PRKN: variants seen among roughly 807,000 people sequenced by gnomAD.
PRKN encodes parkin RBR E3 ubiquitin protein ligase.
In PRKN, 56 loss-of-function variants were observed where a neutral mutation model predicts 59.5. That is an observed-to-expected ratio of 0.94 (90% CI 0.76 to 1.18). PRKN has a LOEUF of 1.18. PRKN is among the 50% of genes most tolerant of loss of function. The probability of loss-of-function intolerance (pLI) is 0.00; values close to 1 mark genes in which losing one functional copy is unlikely to be tolerated. For synonymous variants in PRKN, 250 were observed against 222.1 expected, an observed-to-expected ratio of 1.13 and a Z score of -1.12; for missense variants, 657 against 596.4, an observed-to-expected ratio of 1.10 and a Z score of -1.06.
intron 2 of PRKN, among the ~76,000 whole-genome samples, chr6:162,286,329 G>A (rs779708767): frequency 1.3e-5 from 2 of 152,004 alleles, no homozygotes; most frequent in South Asian, 2.1e-4. Context: ...CTTTATAGCC[G>A]TGAGCCTTGA....
intron 7 of PRKN, among the ~76,000 whole-genome samples, chr6:161,637,249 A>T (rs1240746125): frequency 6.6e-6 from 1 of 152,186 alleles, no homozygotes; most frequent in African/African-American, 2.4e-5. Flanking sequence ...CTGCACCGCC[A>T]CTTAAATGTA....
chr6:162,086,036 C>T (rs1376498632), intron 4 of PRKN, among the ~76,000 whole-genome samples: 1 of 152,096 alleles, frequency 6.6e-6, no homozygotes, highest in African/African-American at 2.4e-5. Context: ...CATAGAACTC[C>T]TTATGTTACT....
rs1170052764 is a variant in PRKN, at chr6:161,538,204, C to T, written c.1083+10650G>A. ...AGAGTGCAAGAGTGAGGCTTATCTG[C>T]TTCTGACTGGGTTCCTTCTCACTTG... is the stretch of plus-strand genomic sequence containing the variant. On this transcript the variant is annotated intron_variant, in intron 9 of 11. Transcript: ENST00000366898. The surrounding 1 kb of genome is among the most constrained non-coding windows in gnomAD (Gnocchi z 4.2). Among the ~76,000 whole-genome samples the T allele has an allele frequency of 6.6e-6, 1 of 152,160 alleles. No homozygotes were observed. Among genetic ancestry groups the T allele is most frequent in the Non-Finnish European group, 1.5e-5 (1 of 68,026 alleles).
intron 6 of PRKN, among the ~76,000 whole-genome samples, chr6:161,957,208 A>G (rs1270611068): frequency 1.3e-5 from 2 of 152,198 alleles, no homozygotes; most frequent in East Asian, 1.9e-4. Context: ...GACATTTGAC[A>G]GTTTCCTAAG....
chr6:161,807,328 T>C (rs1791375406), intron 6 of PRKN, among the ~76,000 whole-genome samples: 1 of 152,200 alleles, frequency 6.6e-6, no homozygotes, highest in African/African-American at 2.4e-5. Flanking sequence ...TACACAAAGA[T>C]ACACGCACAC....
In PRKN at chr6:161,690,543, A is replaced by T. The variant is rs531560957; in HGVS notation, c.871+95229T>A. 3.3e-5 allele frequency among the ~76,000 whole-genome samples: 5 copies of T among 152,292 alleles called. No homozygotes were observed. In the South Asian group the frequency reaches 1.0e-3, roughly 32 times the overall value. The stretch of plus-strand genomic sequence containing the variant: ...CTTGACAAAATCATGGGATGCCCAG[A>T]TATCTGGCTAAACATTATTTCTGGT... On this transcript the variant is annotated intron_variant, in intron 7 of 11. Coordinates refer to ENST00000366898, the MANE Select transcript of PRKN (RefSeq NM_004562.3).
intron 6 of PRKN, among the ~76,000 whole-genome samples, chr6:161,842,340 T>C (rs1793021052): frequency 6.6e-6 from 1 of 151,520 alleles, no homozygotes; most frequent in African/African-American, 2.4e-5. Flanking sequence ...AAAATTTAGC[T>C]AGGCACCTGT....
At chr6:162,648,501 C>T (rs982822823) in intron 1 of PRKN, among the ~76,000 whole-genome samples, 5 of 152,026 alleles carry the variant, frequency 3.3e-5, no homozygotes, top group Non-Finnish European at 7.4e-5. Context: ...CCTGCCTCAG[C>T]CTCCCGAGTA....
intron 5 of PRKN, among the ~76,000 whole-genome samples, chr6:162,051,720 T>C (rs1777653688): frequency 1.3e-5 from 2 of 152,080 alleles, no homozygotes; most frequent in Non-Finnish European, 1.5e-5. Flanking sequence ...TTCCTTCCTC[T>C]CCATCCTGGT....
At chr6:161,705,774 T>G (rs1470558693) in intron 7 of PRKN, among the ~76,000 whole-genome samples, 3 of 152,178 alleles carry the variant, frequency 2.0e-5, no homozygotes, top group African/African-American at 7.2e-5. Flanking sequence ...AAAGGTTTCT[T>G]TGTAAACCTT....
chr6:162,135,312 G>T (rs1247580453), intron 4 of PRKN, among the ~76,000 whole-genome samples: 2 of 151,942 alleles, frequency 1.3e-5, no homozygotes, highest in Non-Finnish European at 2.9e-5. Flanking sequence ...AAAACACCGC[G>T]ATTAAAGGCA....
At chr6:161,644,847 G>T (rs760531172) in intron 7 of PRKN, among the ~76,000 whole-genome samples, 2 of 152,218 alleles carry the variant, frequency 1.3e-5, no homozygotes, top group African/African-American at 2.4e-5. Flanking sequence ...AAATGACTCA[G>T]CTGCACAAAT....
chr6:162,295,306 T>C (rs904685868), intron 2 of PRKN, among the ~76,000 whole-genome samples: 1 of 152,228 alleles, frequency 6.6e-6, no homozygotes, highest in Non-Finnish European at 1.5e-5. Flanking sequence ...TCAGTTGTTA[T>C]GTGTGCACCA....
At position 162,146,229 on chromosome 6, in the gene PRKN, A is replaced by G. The variant is rs138610839; in HGVS notation, c.534+54902T>C. Among the ~76,000 whole-genome samples the G allele has an allele frequency of 7.8e-3, 1,180 of 152,210 alleles. 10 individuals are homozygous for G. Among genetic ancestry groups the G allele is most frequent in the Middle Eastern group, 0.017 (5 of 294 alleles). ...GCTAAAGATAGTAGACTAGAGATGG[A>G]CAGTCTGGCCCATGACGATGTCATT... On this transcript the variant is annotated intron_variant, in intron 4 of 11. Transcript: ENST00000366898.
intron 6 of PRKN, among the ~76,000 whole-genome samples, chr6:161,891,061 G>A (rs182998809): frequency 5.9e-5 from 9 of 152,266 alleles, no homozygotes; most frequent in Middle Eastern, 3.4e-3. Context: ...AACAATCACC[G>A]CTGTAATAGA....
In PRKN at chr6:161,808,391, G is replaced by T. The variant is rs534816156; in HGVS notation, c.735-22483C>A. ...ACTGTCTTAATGTAAGAGAATATAA[G>T]TTGCTTAACTGAACACTAAAGTATT... On this transcript the variant is annotated intron_variant, in intron 6 of 11. Transcript: ENST00000366898. Among the ~76,000 whole-genome samples the T allele has an allele frequency of 7.9e-5, 12 of 152,276 alleles. No individual in the cohort carries two copies. In the South Asian group the frequency reaches 2.5e-3, roughly 32 times the overall value.
At chr6:162,427,653 T>C (rs6929674) in intron 2 of PRKN, among the ~76,000 whole-genome samples, 6 of 148,596 alleles carry the variant, frequency 4.0e-5, no homozygotes, top group African/African-American at 1.3e-4. Flanking sequence ...TGTTTTTTTT[T>C]CTTTTTTTTT....
At chr6:162,244,348 C>T (rs1369369917) in intron 3 of PRKN, among the ~76,000 whole-genome samples, 1 of 151,856 alleles carries the variant, frequency 6.6e-6, no homozygotes, top group Non-Finnish European at 1.5e-5. Context: ...ACACAATATG[C>T]TCTTTCCTCA....
rs75363505 is a variant in PRKN, at chr6:162,556,812, T to A, written c.8-113339A>T. ...AACAGGAGAATGCAAGTGATTATTA[T>A]CAGGAATTGCATCTGTGAGGGAACC... On this transcript the variant is annotated intron_variant, in intron 1 of 11. Transcript: ENST00000366898. Among the ~76,000 whole-genome samples, 1,272 of 150,212 alleles carry A rather than the reference T, an allele frequency of 8.5e-3. 16 individuals carry two copies. Among genetic ancestry groups the A allele is most frequent in the African/African-American group, 0.029 (1,197 of 40,816 alleles).
Sources: gnomAD v4.1 joint callset for allele counts (sites outside exome capture counted in the v4.1 genomes callset) on GRCh38, gnomAD v4.1.1 for gene constraint, Gnocchi (gnomAD v3.1) non-coding constraint, MANE v1.5 for transcripts, NCBI Gene and HGNC (gene_info 2026-07-23, HGNC 2026-07-21) for gene names.